Variants in PCSK5 observed in about 807,000 individuals in gnomAD.
The protein encoded by PCSK5 is proprotein convertase subtilisin/kexin type 5.
PCSK5 carries 129 observed loss-of-function variants against 233.2 expected under a neutral mutation model. That is an observed-to-expected ratio of 0.55 (90% confidence interval 0.48 to 0.64). PCSK5 has a LOEUF of 0.64. Among genes scored for constraint, PCSK5 ranks in the 30% least tolerant of loss-of-function variants. The probability of loss-of-function intolerance (pLI) is 0.00; values close to 1 mark genes in which losing one functional copy is unlikely to be tolerated. For missense variants in PCSK5, 2,076 were observed against 2,430.1 expected (o/e 0.85, Z 3.06); for synonymous variants, 825 against 879.2 (o/e 0.94, Z 1.09).
intron 36 of PCSK5, 142 bp downstream of exon 36, chr9:76,351,070 T>C: frequency 1.8e-6 from 1 of 553,192 alleles, no homozygotes; most frequent in Non-Finnish European, 3.2e-6. Flanking sequence ...TTTTAAAACC[T>C]TCTACCGTTG....
chr9:76,211,958 C>T (rs78027341), intron 20 of PCSK5, among the ~76,000 whole-genome samples: 1,863 of 152,310 alleles, frequency 0.012, 24 homozygotes, highest in Non-Finnish European at 0.019. Context: ...AGCACTGCAC[C>T]TTTTACCTGC....
intron 1 of PCSK5, among the ~76,000 whole-genome samples, chr9:75,908,957 A>C (rs71509845): frequency 1.0e-4 from 11 of 109,228 alleles, no homozygotes; most frequent in East Asian, 5.6e-4. Flanking sequence ...CTATCTATCT[A>C]TCTATCTATC....
intron 3 of PCSK5, among the ~76,000 whole-genome samples, chr9:76,011,114 A>C (rs78850504): frequency 0.01 from 1,532 of 152,354 alleles, 13 homozygotes; most frequent in Non-Finnish European, 0.015. Flanking sequence ...GACATTTTTT[A>C]TTAATAAGAA....
At chr9:75,995,631 C>CT (rs1285008005) in intron 3 of PCSK5, among the ~76,000 whole-genome samples, 2 of 151,998 alleles carry the variant, frequency 1.3e-5, no homozygotes, top group Non-Finnish European at 2.9e-5. Flanking sequence ...AACTGTCCTG[C>CT]TTGGCTTCTA....
intron 30 of PCSK5, 101 bp downstream of exon 30, chr9:76,310,952 A>T (rs1734242692): frequency 2.6e-6 from 2 of 766,072 alleles, no homozygotes; most frequent in Non-Finnish European, 4.0e-6. Flanking sequence ...TCTCTGCTCT[A>T]CGAGCACCCA....
At chr9:76,086,184 T>G (rs1219223492) in intron 7 of PCSK5, among the ~76,000 whole-genome samples, 1 of 152,084 alleles carries the variant, frequency 6.6e-6, no homozygotes. Context: ...TTTTGGCAGG[T>G]GTGAGAATAG....
Position 76,188,677 on chromosome 9 carries a change from T to G in PCSK5, c.2380+2T>G. The G allele has an allele frequency of 6.2e-7, 1 of 1,608,738 alleles. No homozygotes were observed. The highest frequency in any genetic ancestry group is 8.5e-7 in the Non-Finnish European group (1 of 1,175,170). On this transcript the variant is annotated splice_donor_variant, in intron 18 of 37. Transcript: ENST00000674117. LOFTEE classifies it high-confidence loss of function. ...ACCGCTTCTGCGCCACTTGTGCTGG[T>G]ACCTTCCCTAGTTCTTTTGTTTATT...
intron 6 of PCSK5, among the ~76,000 whole-genome samples, chr9:76,071,214 A>G (rs1319055885): frequency 6.6e-6 from 1 of 152,240 alleles, no homozygotes; most frequent in Admixed American, 6.5e-5. Flanking sequence ...GACATAAATA[A>G]CTTAGCAAAA....
At chr9:76,064,731 C>G (rs1043627795) in intron 5 of PCSK5, among the ~76,000 whole-genome samples, 1 of 147,748 alleles carries the variant, frequency 6.8e-6, no homozygotes, top group Non-Finnish European at 1.5e-5. Context: ...ACCTCCCAGA[C>G]GGGGTCTCGG....
In PCSK5 at chr9:76,233,555, G is replaced by A. The variant is rs763540039; in HGVS notation, c.2825G>A (p.Cys942Tyr). The A allele has an allele frequency of 5.6e-5, 91 of 1,611,950 alleles. No homozygotes were observed. Among genetic ancestry groups the A allele is most frequent in the Non-Finnish European group, 7.5e-5 (88 of 1,179,810 alleles). ...CCATGCCACCACACCTGCCAGAGATGCCAAGGAAGTGGCCCTACCCACTGC... is the reference window on the plus strand; with the variant it reads ...CCATGCCACCACACCTGCCAGAGATACCAAGGAAGTGGCCCTACCCACTGC... ...CHPCHHTCQR[C>Y]QGSGPTHCTS... The change falls in exon 22 of 38, where the codon TGC (cysteine) becomes TAC (tyrosine). Residue 942 changes from cysteine to tyrosine, a missense_variant. Physicochemically the swap from Cys to Tyr is radical, Grantham distance 194. Around this residue, in one of 6 missense-constraint regions of PCSK5, gnomAD observed 1,510 missense variants for 1,538.1 expected, o/e 0.98. Transcript: ENST00000674117.
At chr9:76,103,596 G>GT (rs921544982) in intron 8 of PCSK5, among the ~76,000 whole-genome samples, 4 of 152,194 alleles carry the variant, frequency 2.6e-5, no homozygotes, top group African/African-American at 7.2e-5. Flanking sequence ...GTTCATCTTA[G>GT]TGGAGGCTGT....
intron 1 of PCSK5, among the ~76,000 whole-genome samples, chr9:75,919,922 C>T (rs184169571): frequency 1.7e-4 from 26 of 152,290 alleles, no homozygotes; most frequent in African/African-American, 6.3e-4. Context: ...AATCCCAGCA[C>T]TTTGGGAAGC....
chr9:76,229,310 C>A (rs939872804), intron 21 of PCSK5, among the ~76,000 whole-genome samples: 1 of 152,168 alleles, frequency 6.6e-6, no homozygotes, highest in Non-Finnish European at 1.5e-5. Context: ...AATATTTTAA[C>A]ATTTGTTTAA....
At chr9:76,029,756 A>G (rs539054780) in intron 5 of PCSK5, among the ~76,000 whole-genome samples, 1 of 152,276 alleles carries the variant, frequency 6.6e-6, no homozygotes, top group East Asian at 1.9e-4. Context: ...GACAGTCTTC[A>G]CTTAGCACAG....
intron 20 of PCSK5, among the ~76,000 whole-genome samples, chr9:76,222,728 C>G (rs1359751390): frequency 6.6e-6 from 1 of 152,148 alleles, no homozygotes; most frequent in Admixed American, 6.5e-5. Flanking sequence ...GTTGCAGTCT[C>G]AGTTGATGGC....
chr9:75,956,628 T>C (rs562311078), intron 2 of PCSK5, among the ~76,000 whole-genome samples: 1 of 152,320 alleles, frequency 6.6e-6, no homozygotes, highest in Admixed American at 6.5e-5. Flanking sequence ...AAGAGATTTA[T>C]AGATATAAGA....
At chr9:75,950,192 CACA>C (rs1297221479) in intron 2 of PCSK5, among the ~76,000 whole-genome samples, 3 of 150,382 alleles carry the variant, frequency 2.0e-5, no homozygotes, top group Non-Finnish European at 4.4e-5. Context: ...TCAGAGCTGC[CACA>C]ACAAGGGCCT....
At chr9:76,252,111 C>T (rs1035853354) in intron 24 of PCSK5, among the ~76,000 whole-genome samples, 5 of 151,742 alleles carry the variant, frequency 3.3e-5, no homozygotes, top group Non-Finnish European at 5.9e-5. Flanking sequence ...ACTAAAAATA[C>T]AAAAACTTAG....
intron 35 of PCSK5, 72 bp downstream of exon 35, chr9:76,338,519 T>C: frequency 9.3e-7 from 1 of 1,074,416 alleles, no homozygotes; most frequent in Non-Finnish European, 1.4e-6. Flanking sequence ...TTTGCCCCTT[T>C]CTCTCTTCTC....
Sources: gnomAD v4.1 joint callset for allele counts (sites outside exome capture counted in the v4.1 genomes callset) on GRCh38, gnomAD v4.1.1 for gene constraint, gnomAD v4.1.1 regional missense constraint, MANE v1.5 for transcripts, NCBI Gene and HGNC (gene_info 2026-07-23, HGNC 2026-07-21) for gene names.